The following PDLIM3 variants were observed in gnomAD, a reference collection of about 807,000 sequenced individuals.
The protein encoded by PDLIM3 is PDZ and LIM domain protein 3.
PDLIM3 carries 36 observed loss-of-function variants against 37.3 expected under a neutral mutation model. The ratio of observed to expected loss-of-function variants is 0.97; its 90% CI spans 0.74 to 1.28. PDLIM3 has a LOEUF of 1.28. Ranked by LOEUF, PDLIM3 falls within the 50% of genes most tolerant of loss-of-function variation. The probability of loss-of-function intolerance (pLI) is 0.00; values close to 1 mark genes in which losing one functional copy is unlikely to be tolerated. For missense variants in PDLIM3, 454 were observed against 485.0 expected (o/e 0.94, Z 0.60); for synonymous variants, 174 against 182.4 (o/e 0.95, Z 0.37).
Position 185,514,307 on chromosome 4 carries a change from T to C in PDLIM3, c.361A>G (p.Ile121Val), listed in dbSNP as rs1036740562. 2 of 1,614,110 alleles carry C rather than the reference T, an allele frequency of 1.2e-6. No homozygotes were observed. Among genetic ancestry groups the C allele is most frequent in the African/African-American group, 1.3e-5 (1 of 74,940 alleles). The change falls in exon 4 of 8, where the codon ATT becomes GTT. Residue 121 changes from isoleucine to valine, a missense_variant. By Grantham distance (29) the Ile-to-Val change is conservative. Transcript: ENST00000284767. This position sits in a 1 kb window ranked among gnomAD's most constrained non-coding sequence, Gnocchi z 4.0. The part of the protein sequence containing the change: ...DGNYFEHKHN[I>V]RPKPFVIPGR... ...GGGATCACGAAAGGTTTGGGCCGAA[T>C]ATTATGCTTGTGTTCAAAGTAGTTC...
Position 185,508,184 on chromosome 4 carries a change from A to G in PDLIM3, c.662+115T>C, listed in dbSNP as rs2095700917. Reference sequence around the variant, plus strand: ...TTGCAGTAAATCCTTAGTATTTTAAAAAAGCTTTTCACATAGCTTTCTTTC... The same window carrying G: ...TTGCAGTAAATCCTTAGTATTTTAAGAAAGCTTTTCACATAGCTTTCTTTC... On this transcript the variant is annotated intron_variant, in intron 5 of 7. Coordinates refer to ENST00000284767, the MANE Select transcript of PDLIM3 (RefSeq NM_014476.6). 1.2e-5 allele frequency: 13 copies of G among 1,061,352 alleles called. No homozygotes were observed. In the East Asian group the frequency reaches 2.8e-4, roughly 23 times the overall value. 65.7% of individuals were successfully genotyped at this position (1,061,352 alleles called of 1,614,324 possible).
Position 185,502,035 on chromosome 4 carries a change from C to T in PDLIM3, c.*259G>A, listed in dbSNP as rs548957631. 1.4e-5 allele frequency: 7 copies of T among 517,746 alleles called. No homozygotes were observed. Among genetic ancestry groups the T allele is most frequent in the South Asian group, 8.3e-5 (4 of 47,906 alleles). The allele number at this position is 517,746 out of a possible 1,614,324, so 32.1% of individuals were successfully genotyped here. A position where few individuals can be genotyped will look rare whatever the true frequency, so the allele number is the denominator to read the frequency against. ...CATGTAAATTGTGGAGTATGACATACAAAAAATTATTGCTTTAAATATCAT... is the reference window on the plus strand; with the variant it reads ...CATGTAAATTGTGGAGTATGACATATAAAAAATTATTGCTTTAAATATCAT... On this transcript the variant is annotated 3_prime_UTR_variant, in exon 8 of 8. Coordinates refer to ENST00000284767, the MANE Select transcript of PDLIM3 (RefSeq NM_014476.6).
chr4:185,509,339 T>G (rs1413014873), intron 4 of PDLIM3, among the ~76,000 whole-genome samples: 1 of 152,210 alleles, frequency 6.6e-6, no homozygotes, highest in African/African-American at 2.4e-5. Context: ...GGTGTTTCAC[T>G]CTTTCGATGC....
chr4:185,513,183 A>C (rs539772781), intron 4 of PDLIM3: 7 of 985,220 alleles, frequency 7.1e-6, no homozygotes, highest in African/African-American at 1.8e-5. Flanking sequence ...AGGGGGGGGA[A>C]GATGTGTTTG....
In PDLIM3 at chr4:185,504,581, G is replaced by A. The variant is rs373419233; in HGVS notation, c.799C>T (p.Arg267Cys). ...CTCACACTCCGCGTTCCAGCCGGAC[G>A]GTCATCTGAAAAACAAAGCGTTTCC... ...QGMVDDGSDD[R>C]PAGTRSVRAP... The change falls in exon 7 of 8, where the codon CGT (arginine) becomes TGT (cysteine). Residue 267 changes from arginine (R) to cysteine (C), a missense_variant. Transcript: ENST00000284767. The surrounding 1 kb of genome is among the most constrained non-coding windows in gnomAD (Gnocchi z 4.7). The A allele has an allele frequency of 1.5e-5, 24 of 1,613,360 alleles. No individual in the cohort carries two copies. Among genetic ancestry groups the A allele is most frequent in the East Asian group, 4.5e-5 (2 of 44,872 alleles).
intron 1 of PDLIM3, among the ~76,000 whole-genome samples, chr4:185,530,491 G>A (rs1402288507): frequency 6.6e-6 from 1 of 152,132 alleles, no homozygotes; most frequent in Non-Finnish European, 1.5e-5. Flanking sequence ...AGGGAGGAGT[G>A]AAGAGGGGGA....
rs138670107 is a variant in PDLIM3, at chr4:185,514,281, C to T, written c.387G>A (p.Pro129=). 1.3e-3 allele frequency: 2,128 copies of T among 1,614,168 alleles called. 8 individuals carry two copies. Among genetic ancestry groups the T allele is most frequent in the South Asian group, 1.6e-3 (143 of 91,086 alleles). Residue 129 remains proline (P), a synonymous_variant, in exon 4 of 8, where the codon CCG becomes CCA. Transcript: ENST00000284767. The surrounding 1 kb of genome is among the most constrained non-coding windows in gnomAD (Gnocchi z 4.0). ...HNIRPKPFVI[P]GRSSGCSTPS... ...TCAGCGCTTATGACCTGCTTCGGCCCGGGATCACGAAAGGTTTGGGCCGAA... is the reference window on the plus strand; with the variant it reads ...TCAGCGCTTATGACCTGCTTCGGCCTGGGATCACGAAAGGTTTGGGCCGAA...
chr4:185,535,170 G>T (rs1309950401), intron 1 of PDLIM3, among the ~76,000 whole-genome samples, 172 bp downstream of exon 1: 2 of 152,142 alleles, frequency 1.3e-5, no homozygotes, highest in Non-Finnish European at 2.9e-5. Context: ...GCCACTTGAC[G>T]GAGTTGCCGC....
chr4:185,535,488 T>G lies in PDLIM3; in HGVS notation c.-54A>C. 6.8e-7 allele frequency: 1 copy of G among 1,471,614 alleles called. No homozygotes were observed. Among genetic ancestry groups the G allele is most frequent in the Non-Finnish European group, 9.2e-7 (1 of 1,086,726 alleles). 91.2% of individuals were successfully genotyped at this position (1,471,614 alleles called of 1,614,324 possible). On this transcript the variant is annotated 5_prime_UTR_variant, in exon 1 of 8. Transcript: ENST00000284767. ...AAGTGTCCCCGCGCAGGGCAGCCAC[T>G]CCGCGCCGGGCGGCGTCCTGGCCCC...
At chr4:185,516,727 G>C (rs983343426) in intron 3 of PDLIM3, 1 of 152,206 alleles carries the variant, frequency 6.6e-6, no homozygotes, top group African/African-American at 2.4e-5. Context: ...CCTAGCCTAG[G>C]AGCCTTTGAC....
chr4:185,512,647 G>A (rs2095708431), intron 4 of PDLIM3: 10 of 983,418 alleles, frequency 1.0e-5, no homozygotes, highest in Non-Finnish European at 1.2e-5. Context: ...CAGGATATGT[G>A]TTACTCTAAC....
In PDLIM3 at chr4:185,508,562, A is replaced by G. The variant is rs753921891; in HGVS notation, c.399T>C (p.Ser133=). 1 of 1,613,716 alleles carries G rather than the reference A, an allele frequency of 6.2e-7. No individual in the cohort carries two copies. The highest frequency in any genetic ancestry group is 8.5e-7 in the Non-Finnish European group (1 of 1,179,868). Residue 133 remains serine (S), a splice_region_variant and synonymous_variant, in exon 5 of 8, where the codon AGT becomes AGC. Coordinates refer to ENST00000284767, the MANE Select transcript of PDLIM3 (RefSeq NM_014476.6). ...PKPFVIPGRS[S]GCSTPSGIDC... ...CAATCCCGGAGGGAGTGCTGCATCCACTGTGTTAATGGATACACGTTACAC... is the reference window on the plus strand; with the variant it reads ...CAATCCCGGAGGGAGTGCTGCATCCGCTGTGTTAATGGATACACGTTACAC...
chr4:185,519,761 A>G (rs2095720365), intron 3 of PDLIM3, among the ~76,000 whole-genome samples: 1 of 152,230 alleles, frequency 6.6e-6, no homozygotes, highest in Non-Finnish European at 1.5e-5. Flanking sequence ...CCCAATAAGT[A>G]AGTGAGAAAG....
Position 185,521,673 on chromosome 4 carries a change from G to T in PDLIM3, c.330+1689C>A, listed in dbSNP as rs1394731798. Among the ~76,000 whole-genome samples the T allele has an allele frequency of 1.2e-4, 8 of 65,804 alleles. 3 individuals carry two copies. The highest frequency in any genetic ancestry group is 2.2e-4 in the African/African-American group (8 of 36,260). 43.2% of individuals were successfully genotyped at this position (65,804 alleles called of 152,430 possible). ...CTGCCTCCCAAAGGATTATAGGTGT[G>T]AGTCAATGCGCCTGGCCCCACTCAA... On this transcript the variant is annotated intron_variant, in intron 3 of 7. Transcript: ENST00000284767.
chr4:185,525,698 G>A (rs575070887), intron 1 of PDLIM3, among the ~76,000 whole-genome samples: 2 of 152,236 alleles, frequency 1.3e-5, no homozygotes, highest in African/African-American at 4.8e-5. Context: ...AGGGACTTTT[G>A]GGGGGTAATT....
intron 4 of PDLIM3, among the ~76,000 whole-genome samples, chr4:185,510,950 C>A (rs2095705575): frequency 6.6e-6 from 1 of 152,230 alleles, no homozygotes; most frequent in Non-Finnish European, 1.5e-5. Context: ...CCGTGGGTCA[C>A]CACGACCTGT....
rs1210309583 is a variant in PDLIM3 at position 185,502,478 on chromosome 4, G to C, written c.911C>G (p.Ala304Gly). The change falls in exon 8 of 8, where the codon GCT becomes GGT. Residue 304 changes from alanine (A) to glycine (G), a missense_variant. By Grantham distance (60) the Ala-to-Gly change is moderately conservative. Transcript: ENST00000284767. Reference sequence around the variant, plus strand: ...GTACTTATCCCGCGCCTTCACCACAGCACCGCTGTTGGGGAAGAAAACGAG... The same window carrying C: ...GTACTTATCCCGCGCCTTCACCACACCACCGCTGTTGGGGAAGAAAACGAG... ...CDKCGSGIVG[A>G]VVKARDKYRH... 2 of 1,613,920 alleles carry C rather than the reference G, an allele frequency of 1.2e-6. No homozygotes were observed. The highest frequency in any genetic ancestry group is 3.3e-5 in the Admixed American group (2 of 60,002).
chr4:185,523,309 C>T, intron 3 of PDLIM3, 53 bp downstream of exon 3: 1 of 1,259,670 alleles, frequency 7.9e-7, no homozygotes, highest in Non-Finnish European at 1.2e-6. Context: ...TGGAAGGCAT[C>T]CCCATGATTT....
At chr4:185,528,773 G>A (rs1385650906) in intron 1 of PDLIM3, among the ~76,000 whole-genome samples, 1 of 152,192 alleles carries the variant, frequency 6.6e-6, no homozygotes, top group Non-Finnish European at 1.5e-5. Context: ...ATAGAGAGAG[G>A]AATGAGAGAG....
Sources: gnomAD v4.1 joint callset for allele counts (sites outside exome capture counted in the v4.1 genomes callset) on GRCh38, gnomAD v4.1.1 for gene constraint, Gnocchi (gnomAD v3.1) non-coding constraint, MANE v1.5 for transcripts, NCBI Gene and HGNC (gene_info 2026-07-23, HGNC 2026-07-21) for gene names.